The following TTC39C variants were observed in gnomAD, a reference collection of about 807,000 sequenced individuals.
TTC39C encodes tetratricopeptide repeat protein 39C.
Under a neutral mutation model 76.3 loss-of-function variants are expected in TTC39C, and 33 were observed. The observed-to-expected ratio is 0.43, with a 90% confidence interval of 0.33 to 0.58. The LOEUF is 0.58. Ranked by LOEUF, TTC39C falls within the 20% of genes least tolerant of loss-of-function variation. The pLI, the probability that TTC39C is intolerant of heterozygous loss-of-function variation, is 0.04. For synonymous variants in TTC39C, 254 were observed against 260.6 expected (o/e 0.97, Z 0.24); for missense variants, 595 against 701.4 (o/e 0.85, Z 1.71).
intron 6 of TTC39C, among the ~76,000 whole-genome samples, chr18:24,111,389 T>G (rs933302716): frequency 2.6e-5 from 4 of 151,720 alleles, no homozygotes; most frequent in African/African-American, 9.7e-5. Flanking sequence ...GTCAATATGG[T>G]GAAACCTCAT....
chr18:24,088,944 C>T (rs1470123020), intron 6 of TTC39C, among the ~76,000 whole-genome samples: 1 of 152,158 alleles, frequency 6.6e-6, no homozygotes, highest in Non-Finnish European at 1.5e-5. Context: ...TGAGAGGTGC[C>T]TTTTAAAAGT....
chr18:24,023,952 A>ATC (rs1599245640), intron 1 of TTC39C, among the ~76,000 whole-genome samples: 5 of 12,822 alleles, frequency 3.9e-4, no homozygotes, highest in South Asian at 6.0e-3. Flanking sequence ...ATATGCATGT[A>ATC]TATATATATA....
At chr18:24,019,990 A>T in intron 1 of TTC39C, 1 of 1,453,180 alleles carries the variant, frequency 6.9e-7, no homozygotes, top group South Asian at 1.4e-5. Flanking sequence ...TCTTGGGAGG[A>T]CTGGAAGGAC....
chr18:24,130,720 C>T (rs2085116362), intron 12 of TTC39C, among the ~76,000 whole-genome samples: 1 of 151,928 alleles, frequency 6.6e-6, no homozygotes, highest in Non-Finnish European at 1.5e-5. Flanking sequence ...TTACACAGAC[C>T]TAGGTGGTAT....
intron 1 of TTC39C, among the ~76,000 whole-genome samples, chr18:24,017,533 G>T (rs2083468180): frequency 6.6e-6 from 1 of 152,188 alleles, no homozygotes; most frequent in African/African-American, 2.4e-5. Flanking sequence ...CTTCTTGACT[G>T]CATAGTTCGA....
In TTC39C at chr18:24,000,029, G is replaced by A. The variant is rs376251706; in HGVS notation, c.-17+6991G>A. 7.1e-4 allele frequency among the ~76,000 whole-genome samples: 108 copies of A among 152,228 alleles called. 1 individual carries two copies. The highest frequency in any genetic ancestry group is 4.1e-3 in the South Asian group (20 of 4,822). On this transcript the variant is annotated intron_variant, in intron 1 of 13. Coordinates refer to the TTC39C transcript ENST00000304621. ...AGCTGCCAACTAGGCAGCAGAAACC[G>A]GGGCCCAAACACCACTACCATGGGG...
chr18:24,118,454 T>G (rs1018053625), intron 8 of TTC39C, among the ~76,000 whole-genome samples: 2 of 152,162 alleles, frequency 1.3e-5, no homozygotes, highest in African/African-American at 4.8e-5. Context: ...AGGGTGCCCC[T>G]TCACCACACG....
At chr18:24,123,983 G>A (rs766785184) in intron 9 of TTC39C, 40 bp downstream of exon 9, 4 of 1,459,826 alleles carry the variant, frequency 2.7e-6, no homozygotes, top group Non-Finnish European at 3.8e-6. Flanking sequence ...TACTTATGAT[G>A]GGCATTTGTA....
chr18:24,016,152 A>G (rs1454057346), intron 1 of TTC39C, among the ~76,000 whole-genome samples: 1 of 152,234 alleles, frequency 6.6e-6, no homozygotes, highest in Non-Finnish European at 1.5e-5. Flanking sequence ...CGAAGCAAGT[A>G]TCTCACAACT....
intron 4 of TTC39C, among the ~76,000 whole-genome samples, chr18:24,074,407 C>G (rs903935838): frequency 6.6e-6 from 1 of 152,102 alleles, no homozygotes; most frequent in Admixed American, 6.5e-5. Flanking sequence ...AGGTCATTGC[C>G]AAGATCTGAT....
At chr18:23,995,992 C>A (rs962631237) in intron 1 of TTC39C, among the ~76,000 whole-genome samples, 1 of 152,226 alleles carries the variant, frequency 6.6e-6, no homozygotes, top group Non-Finnish European at 1.5e-5. Flanking sequence ...AACTGCCAAA[C>A]GTTTTTCCAG....
rs1308247695 is a variant in TTC39C at position 24,132,475 on chromosome 18, G to T, written c.1663-10G>T. The T allele has an allele frequency of 6.2e-7, 1 of 1,613,194 alleles. No homozygotes were observed. The highest frequency in any genetic ancestry group is 8.5e-7 in the Non-Finnish European group (1 of 1,179,508). On this transcript the variant is annotated splice_polypyrimidine_tract_variant and intron_variant, in intron 13 of 13. Transcript: ENST00000317571. ...ACAGAGTGCATAAATATCTTTCTTT[G>T]ATCTTACAGGAGGATTTCTCTGGCT...
At chr18:24,018,712 A>G (rs1222392175) in intron 1 of TTC39C, among the ~76,000 whole-genome samples, 4 of 152,084 alleles carry the variant, frequency 2.6e-5, no homozygotes, top group African/African-American at 9.7e-5. Flanking sequence ...GGGGCGGGGC[A>G]AGGAGAAAAG....
intron 1 of TTC39C, among the ~76,000 whole-genome samples, chr18:23,993,500 C>A (rs2083236021): frequency 6.6e-6 from 1 of 152,024 alleles, no homozygotes; most frequent in South Asian, 2.1e-4. Context: ...TTTACTAGAC[C>A]CTCACTTATA....
chr18:24,077,778 A>AT (rs1568428855), intron 4 of TTC39C, among the ~76,000 whole-genome samples: 2 of 152,068 alleles, frequency 1.3e-5, no homozygotes, highest in South Asian at 4.2e-4. Context: ...TCTAGTTTCT[A>AT]TTTTTTTCTG....
chr18:24,110,881 G>A (rs1037262146), intron 6 of TTC39C, among the ~76,000 whole-genome samples: 3 of 152,170 alleles, frequency 2.0e-5, no homozygotes, highest in African/African-American at 7.2e-5. Flanking sequence ...CTTGGTTTTT[G>A]TGACACAGTG....
At chr18:24,099,648 G>T (rs546442574) in intron 6 of TTC39C, among the ~76,000 whole-genome samples, 1 of 151,912 alleles carries the variant, frequency 6.6e-6, no homozygotes, top group African/African-American at 2.4e-5. Flanking sequence ...GGCTAAAAGC[G>T]TATCTTTTTT....
At position 24,132,679 on chromosome 18, in the gene TTC39C, A is replaced by C; in HGVS notation, c.*105A>C. 1.1e-6 allele frequency: 1 copy of C among 884,876 alleles called. No individual in the cohort carries two copies. The highest frequency in any genetic ancestry group is 1.7e-6 in the Non-Finnish European group (1 of 584,410). 54.8% of individuals were successfully genotyped at this position (884,876 alleles called of 1,614,324 possible). On this transcript the variant is annotated 3_prime_UTR_variant, in exon 14 of 14. Coordinates refer to ENST00000317571, the MANE Select transcript of TTC39C (RefSeq NM_001135993.2). ...AAGATGGGCTTTTCTTCTGAAAACC[A>C]CCTGTGCCAGGGACACATTTTCCCA...
At position 24,134,215 on chromosome 18, in the gene TTC39C, T is replaced by C. The variant is rs183510548; in HGVS notation, c.*1641T>C. ...ATTCAGTGAATGAGAAGGGAACTTT[T>C]TTCTGAAGAGCAAAATTGGTGCCCA... On this transcript the variant is annotated 3_prime_UTR_variant, in exon 14 of 14. Transcript: ENST00000317571. The C allele has an allele frequency of 9.8e-4, 150 of 153,464 alleles. No individual in the cohort carries two copies. The highest frequency in any genetic ancestry group is 1.6e-3 in the Non-Finnish European group (107 of 68,174). 9.5% of individuals were successfully genotyped at this position (153,464 alleles called of 1,614,324 possible). A position where few individuals can be genotyped will look rare whatever the true frequency, so the allele number is the denominator to read the frequency against.
Sources: gnomAD v4.1 joint callset for allele counts (sites outside exome capture counted in the v4.1 genomes callset) on GRCh38, gnomAD v4.1.1 for gene constraint, MANE v1.5 for transcripts, NCBI Gene and HGNC (gene_info 2026-07-23, HGNC 2026-07-21) for gene names.